NR3C2: variants seen among roughly 807,000 people sequenced by gnomAD.
The protein encoded by NR3C2 is nuclear receptor subfamily 3 group C member 2.
Under a neutral mutation model 86.4 loss-of-function variants are expected in NR3C2, and 15 were observed. The observed-to-expected ratio is 0.17, with a 90% CI of 0.12 to 0.27. NR3C2 has a LOEUF of 0.27. Ranked by LOEUF, NR3C2 falls within the 10% of genes least tolerant of loss-of-function variation. The pLI is 1.00. For synonymous variants in NR3C2, 458 were observed against 450.5 expected (o/e 1.02, Z -0.21); for missense variants, 960 against 1,195.6 (o/e 0.80, Z 2.91).
chr4:148,186,005 G>A (rs902149664), intron 4 of NR3C2, among the ~76,000 whole-genome samples: 1 of 152,040 alleles, frequency 6.6e-6, no homozygotes, highest in Admixed American at 6.5e-5. Flanking sequence ...TGAGTCCAAG[G>A]CATGTGCCTT....
At chr4:148,328,846 C>T (rs1744090328) in intron 2 of NR3C2, among the ~76,000 whole-genome samples, 1 of 152,154 alleles carries the variant, frequency 6.6e-6, no homozygotes, top group Non-Finnish European at 1.5e-5. Context: ...TAACCCAGGG[C>T]TTTCTGAGTC....
intron 2 of NR3C2, among the ~76,000 whole-genome samples, chr4:148,283,020 A>T (rs1741326205): frequency 6.6e-6 from 1 of 152,180 alleles, no homozygotes; most frequent in African/African-American, 2.4e-5. Flanking sequence ...GCTGAGGGGG[A>T]AAAATCACAT....
chr4:148,180,791 A>G (rs1014023750), intron 4 of NR3C2, among the ~76,000 whole-genome samples: 2 of 152,160 alleles, frequency 1.3e-5, no homozygotes, highest in African/African-American at 4.8e-5. Context: ...CCATAATTTT[A>G]TTGGCCCGTT....
chr4:148,227,351 C>CA (rs1738228830), intron 3 of NR3C2, among the ~76,000 whole-genome samples: 1 of 152,158 alleles, frequency 6.6e-6, no homozygotes. Flanking sequence ...TCTCAGTGCA[C>CA]AATTCCAGGT....
At chr4:148,342,009 T>C (rs1309434365) in intron 2 of NR3C2, among the ~76,000 whole-genome samples, 2 of 152,118 alleles carry the variant, frequency 1.3e-5, no homozygotes, top group Non-Finnish European at 2.9e-5. Flanking sequence ...TGGATTTACA[T>C]AGTCTCTTCT....
chr4:148,159,628 A>G lies in NR3C2; in HGVS notation c.2015-4727T>C, dbSNP rs997545128. Among the ~76,000 whole-genome samples the G allele has an allele frequency of 3.3e-5, 5 of 152,340 alleles. No homozygotes were observed. In the South Asian group the frequency reaches 1.0e-3, roughly 32 times the overall value. ...CCAGGGTGAGGATTTGAATCCAGCT[A>G]GGGCTCAGAGTTCACGCCCTTAACC... On this transcript the variant is annotated intron_variant, in intron 4 of 8. Transcript: ENST00000358102.
intron 2 of NR3C2, among the ~76,000 whole-genome samples, chr4:148,312,622 A>C (rs535514826): frequency 6.6e-6 from 1 of 152,340 alleles, no homozygotes; most frequent in African/African-American, 2.4e-5. Flanking sequence ...AAGTATACTG[A>C]GAAGAAAGTA....
intron 2 of NR3C2, among the ~76,000 whole-genome samples, chr4:148,272,773 G>A (rs897894625): frequency 3.3e-5 from 5 of 151,942 alleles, no homozygotes; most frequent in Admixed American, 1.3e-4. Context: ...TCTGAGAAAA[G>A]ATGAAAAAGG....
chr4:148,132,189 G>A (rs1733072928), intron 6 of NR3C2, among the ~76,000 whole-genome samples: 1 of 152,054 alleles, frequency 6.6e-6, no homozygotes, highest in South Asian at 2.1e-4. Context: ...TAAAATTGGG[G>A]GTATCTGTGA....
intron 1 of NR3C2, among the ~76,000 whole-genome samples, chr4:148,440,815 C>A (rs1051434945): frequency 1.4e-4 from 22 of 152,278 alleles, no homozygotes; most frequent in African/African-American, 5.3e-4. Flanking sequence ...TAACAAAGAT[C>A]CTTGCGAATT....
At chr4:148,119,352 A>C (rs1732408092) in intron 7 of NR3C2, among the ~76,000 whole-genome samples, 1 of 152,110 alleles carries the variant, frequency 6.6e-6, no homozygotes. Flanking sequence ...CCTTCTATCC[A>C]ACCTACGACC....
intron 3 of NR3C2, among the ~76,000 whole-genome samples, chr4:148,195,530 C>A (rs1232055476): frequency 6.6e-6 from 1 of 152,200 alleles, no homozygotes; most frequent in Non-Finnish European, 1.5e-5. Flanking sequence ...CTGCTCTTAA[C>A]TTTCATTCGA....
intron 6 of NR3C2, among the ~76,000 whole-genome samples, chr4:148,144,880 A>G (rs1411112820): frequency 6.6e-6 from 1 of 152,178 alleles, no homozygotes; most frequent in Admixed American, 6.5e-5. Context: ...CTTGAGCTCC[A>G]CTGTCTCCAA....
intron 3 of NR3C2, among the ~76,000 whole-genome samples, chr4:148,215,579 A>G (rs1737491191): frequency 6.6e-6 from 1 of 152,186 alleles, no homozygotes; most frequent in African/African-American, 2.4e-5. Context: ...TAAAATAGCT[A>G]TTGAATTTAT....
intron 4 of NR3C2, among the ~76,000 whole-genome samples, chr4:148,186,996 GTATATA>G (rs1162757665): frequency 0.025 from 677 of 27,032 alleles, 1 homozygote; most frequent in Middle Eastern, 0.054. Flanking sequence ...GTGTATGTAT[GTATATA>G]TATATATATA....
At chr4:148,176,848 AAATT>A (rs1265584189) in intron 4 of NR3C2, among the ~76,000 whole-genome samples, 1 of 152,206 alleles carries the variant, frequency 6.6e-6, no homozygotes, top group Non-Finnish European at 1.5e-5. Context: ...CCCCCTATAC[AAATT>A]AATCTTAATA....
At chr4:148,301,502 G>A (rs1742334827) in intron 2 of NR3C2, among the ~76,000 whole-genome samples, 1 of 152,184 alleles carries the variant, frequency 6.6e-6, no homozygotes, top group Admixed American at 6.5e-5. Context: ...GAAATTCCAT[G>A]TGTGAACATA....
chr4:148,318,479 T>A (rs1743345771), intron 2 of NR3C2, among the ~76,000 whole-genome samples: 1 of 149,320 alleles, frequency 6.7e-6, no homozygotes, highest in Admixed American at 6.6e-5. Context: ...TGAACTAGTT[T>A]ACAGTCCCAC....
At chr4:148,326,368 T>A (rs1269258770) in intron 2 of NR3C2, among the ~76,000 whole-genome samples, 1 of 151,932 alleles carries the variant, frequency 6.6e-6, no homozygotes, top group Non-Finnish European at 1.5e-5. Context: ...GCCACTGCAC[T>A]CCAGCCTGGA....
Sources: gnomAD v4.1 joint callset for allele counts (sites outside exome capture counted in the v4.1 genomes callset) on GRCh38, gnomAD v4.1.1 for gene constraint, MANE v1.5 for transcripts, NCBI Gene and HGNC (gene_info 2026-07-23, HGNC 2026-07-21) for gene names.